The following CTNNA2 variants were observed in gnomAD, a reference collection of about 807,000 sequenced individuals.
CTNNA2 encodes catenin alpha 2, also known as catenin alpha-2.
A neutral mutation model predicts 101.0 loss-of-function variants in CTNNA2; 42 were observed. That is an observed-to-expected ratio of 0.42 (90% CI 0.32 to 0.54). The LOEUF (loss-of-function observed/expected upper bound fraction) is 0.54. Among genes scored for constraint, CTNNA2 ranks in the 20% least tolerant of loss-of-function variants. The pLI, the probability that CTNNA2 is intolerant of heterozygous loss-of-function variation, is 0.14. For missense variants in CTNNA2, 871 were observed against 1,223.1 expected (o/e 0.71, Z 4.29); for synonymous variants, 450 against 456.4 (o/e 0.99, Z 0.18).
chr2:79,831,053 C>T (rs1325536333), intron 3 of CTNNA2, among the ~76,000 whole-genome samples: 1 of 152,024 alleles, frequency 6.6e-6, no homozygotes, highest in African/African-American at 2.4e-5. Flanking sequence ...TTCCTCTTCT[C>T]AATGCATAAT....
intron 7 of CTNNA2, among the ~76,000 whole-genome samples, chr2:80,062,082 C>T (rs762386117): frequency 1.1e-4 from 17 of 152,124 alleles, no homozygotes; most frequent in Non-Finnish European, 1.9e-4. Flanking sequence ...CTGACATTGC[C>T]ACTGTAGCTT....
At chr2:79,778,735 TTC>T (rs930628704) in intron 3 of CTNNA2, among the ~76,000 whole-genome samples, 1 of 152,084 alleles carries the variant, frequency 6.6e-6, no homozygotes, top group African/African-American at 2.4e-5. Flanking sequence ...CTTTCTTTCT[TTC>T]TCTCTCTCCT....
chr2:79,535,224 CT>C (rs543049675), intron 1 of CTNNA2, among the ~76,000 whole-genome samples: 20 of 148,652 alleles, frequency 1.3e-4, no homozygotes, highest in South Asian at 4.3e-4. Context: ...ATATTTTGCT[CT>C]TTTTTTTTTG....
chr2:79,370,271 CAG>C, intron 3 of CTNNA2, among the ~76,000 whole-genome samples: 1 of 152,276 alleles, frequency 6.6e-6, no homozygotes, highest in South Asian at 2.1e-4. Context: ...AAAGATCACT[CAG>C]AAATTATGTA....
intron 2 of CTNNA2, among the ~76,000 whole-genome samples, chr2:79,235,361 G>A (rs1027250719): frequency 6.6e-6 from 1 of 152,096 alleles, no homozygotes; most frequent in Admixed American, 6.5e-5. Context: ...CTGGCAGATA[G>A]GCTCTTACTC....
intron 9 of CTNNA2, among the ~76,000 whole-genome samples, chr2:80,534,409 T>C (rs1690813147): frequency 6.6e-6 from 1 of 152,194 alleles, no homozygotes; most frequent in Non-Finnish European, 1.5e-5. Context: ...ATCATAGAAC[T>C]GAGTGCCCTC....
At chr2:79,309,989 C>G (rs1409420956) in intron 2 of CTNNA2, among the ~76,000 whole-genome samples, 1 of 152,076 alleles carries the variant, frequency 6.6e-6, no homozygotes, top group African/African-American at 2.4e-5. Context: ...TAAATGCTAT[C>G]TTCTTTTAGG....
chr2:80,134,893 A>G (rs1558839958), intron 7 of CTNNA2, among the ~76,000 whole-genome samples: 1 of 152,206 alleles, frequency 6.6e-6, no homozygotes, highest in South Asian at 2.1e-4. Context: ...TTATAACACA[A>G]TTCAAAACAT....
intron 7 of CTNNA2, among the ~76,000 whole-genome samples, chr2:80,001,262 G>T (rs765706061): frequency 6.6e-6 from 1 of 152,122 alleles, no homozygotes; most frequent in Non-Finnish European, 1.5e-5. Context: ...CAGTGAAGGT[G>T]TCCAAAGTGA....
chr2:80,423,791 T>C (rs1291937952), intron 9 of CTNNA2, among the ~76,000 whole-genome samples: 1 of 152,142 alleles, frequency 6.6e-6, no homozygotes, highest in East Asian at 1.9e-4. Context: ...GTTTTTATCA[T>C]GTTAGGGCAT....
At chr2:79,877,594 C>A (rs1288577490) in intron 6 of CTNNA2, among the ~76,000 whole-genome samples, 4 of 152,060 alleles carry the variant, frequency 2.6e-5, no homozygotes, top group African/African-American at 9.7e-5. Flanking sequence ...TCATGGACAT[C>A]TGTCATGAGT....
At chr2:80,358,700 G>T (rs544047244) in intron 7 of CTNNA2, among the ~76,000 whole-genome samples, 3 of 151,886 alleles carry the variant, frequency 2.0e-5, no homozygotes, top group African/African-American at 7.2e-5. Context: ...AATAATTTTT[G>T]AAAAAGTATG....
chr2:80,526,585 A>T (rs1380962663), intron 9 of CTNNA2, among the ~76,000 whole-genome samples: 1 of 152,118 alleles, frequency 6.6e-6, no homozygotes, highest in Non-Finnish European at 1.5e-5. Context: ...CGCCCACATC[A>T]GCCTCCCAAA....
chr2:80,369,065 T>C (rs1675214774), intron 7 of CTNNA2, among the ~76,000 whole-genome samples: 2 of 151,998 alleles, frequency 1.3e-5, no homozygotes, highest in Admixed American at 1.3e-4. Flanking sequence ...AACAGGTTCA[T>C]AAAGTTTATT....
intron 7 of CTNNA2, among the ~76,000 whole-genome samples, chr2:80,338,753 C>T (rs1218193898): frequency 6.6e-6 from 1 of 152,056 alleles, no homozygotes; most frequent in Admixed American, 6.6e-5. Context: ...GTGAATGGTG[C>T]CAACTTACTG....
rs77394930 is a variant in CTNNA2 at position 80,138,565 on chromosome 2, T to G, written c.1056+228768T>G. 4.2e-3 allele frequency among the ~76,000 whole-genome samples: 641 copies of G among 152,246 alleles called. 2 individuals carry two copies. Among genetic ancestry groups the G allele is most frequent in the East Asian group, 0.02 (105 of 5,166 alleles). On this transcript the variant is annotated intron_variant, in intron 7 of 18. Transcript: ENST00000402739. ...CTTGAGAACAGGTATCATGTGCTTTTTGTGGGCATCTTCCCAAGTACCCAT... is the reference window on the plus strand; with the variant it reads ...CTTGAGAACAGGTATCATGTGCTTTGTGTGGGCATCTTCCCAAGTACCCAT...
At chr2:79,950,213 G>A (rs1688785214) in intron 7 of CTNNA2, among the ~76,000 whole-genome samples, 1 of 151,736 alleles carries the variant, frequency 6.6e-6, no homozygotes. Flanking sequence ...AGCATCCTAT[G>A]TGAGAGAAAA....
chr2:79,318,990 A>C (rs1676557923), intron 3 of CTNNA2, among the ~76,000 whole-genome samples: 1 of 152,310 alleles, frequency 6.6e-6, no homozygotes, highest in South Asian at 2.1e-4. Context: ...AGAAATTAGG[A>C]AAGATTTTCT....
chr2:80,491,804 C>T (rs918137542), intron 9 of CTNNA2, among the ~76,000 whole-genome samples: 2 of 152,206 alleles, frequency 1.3e-5, no homozygotes, highest in African/African-American at 2.4e-5. Context: ...TTTGATCTCA[C>T]TTCCGACTGT....
Sources: allele counts gnomAD v4.1 joint callset (sites outside exome capture counted in the v4.1 genomes callset), GRCh38; gene constraint gnomAD v4.1.1; transcripts MANE v1.5; gene names NCBI Gene and HGNC (gene_info 2026-07-23, HGNC 2026-07-21).